ARFIP1: variants seen among roughly 807,000 people sequenced by gnomAD.
The protein encoded by ARFIP1 is arfaptin-1.
Under a neutral mutation model 42.5 loss-of-function variants are expected in ARFIP1, and 24 were observed. The ratio of observed to expected loss-of-function variants is 0.57; its 90% CI spans 0.41 to 0.80. The LOEUF (loss-of-function observed/expected upper bound fraction) is 0.80, where lower values mean the gene tolerates loss of function less well. ARFIP1 is among the 30% of genes least tolerant of loss of function. The probability of loss-of-function intolerance (pLI) is 0.00; values close to 1 mark genes in which losing one functional copy is unlikely to be tolerated. For synonymous variants in ARFIP1, 141 were observed against 153.7 expected (o/e 0.92, Z 0.61); for missense variants, 354 against 434.0 (o/e 0.82, Z 1.64).
intron 5 of ARFIP1, among the ~76,000 whole-genome samples, chr4:152,874,004 G>T (rs1431601754): frequency 2.0e-5 from 3 of 151,938 alleles, no homozygotes; most frequent in African/African-American, 7.3e-5. Context: ...CCTCCTCCTT[G>T]GAATTCCCTT....
chr4:152,848,827 G>C (rs1400933973), intron 2 of ARFIP1, among the ~76,000 whole-genome samples: 6 of 152,060 alleles, frequency 3.9e-5, no homozygotes, highest in African/African-American at 1.4e-4. Flanking sequence ...CCTACCCTAG[G>C]GTTTTCATAG....
At chr4:152,883,136 A>T in intron 7 of ARFIP1, 1 of 351,734 alleles carries the variant, frequency 2.8e-6, no homozygotes, top group Non-Finnish European at 5.1e-6. Context: ...CTAGTACTTG[A>T]TGCTGCCACA....
chr4:152,791,368 G>A (rs1731138541), intron 1 of ARFIP1, among the ~76,000 whole-genome samples: 1 of 151,986 alleles, frequency 6.6e-6, no homozygotes, highest in African/African-American at 2.4e-5. Flanking sequence ...TCTATATTTT[G>A]GATATTTTCA....
intron 2 of ARFIP1, among the ~76,000 whole-genome samples, chr4:152,836,308 A>G (rs1480901145): frequency 6.6e-6 from 1 of 152,194 alleles, no homozygotes; most frequent in Non-Finnish European, 1.5e-5. Flanking sequence ...AAAAATGATA[A>G]CTGTGAAGTA....
At chr4:152,807,843 T>G (rs758299908) in intron 1 of ARFIP1, among the ~76,000 whole-genome samples, 1 of 152,192 alleles carries the variant, frequency 6.6e-6, no homozygotes, top group Non-Finnish European at 1.5e-5. Context: ...CGGTCATGAC[T>G]CCGTACTATT....
chr4:152,847,124 C>CA (rs1732600417), intron 2 of ARFIP1, among the ~76,000 whole-genome samples: 1 of 40,584 alleles, frequency 2.5e-5, no homozygotes, highest in Non-Finnish European at 4.5e-5. Flanking sequence ...TAGGTTTGTT[C>CA]TTTTTTTTTT....
intron 8 of ARFIP1, among the ~76,000 whole-genome samples, chr4:152,896,496 T>C (rs1737339380): frequency 6.6e-6 from 1 of 152,174 alleles, no homozygotes; most frequent in African/African-American, 2.4e-5. Context: ...CACAAAGTAG[T>C]GTTTATTGTA....
At chr4:152,820,767 A>T (rs183282084) in intron 1 of ARFIP1, among the ~76,000 whole-genome samples, 12 of 152,280 alleles carry the variant, frequency 7.9e-5, no homozygotes, top group Admixed American at 2.0e-4. Flanking sequence ...TCAACATGAG[A>T]TTTGGGCAGG....
chr4:152,905,281 T>A (rs1028728691), intron 8 of ARFIP1, among the ~76,000 whole-genome samples: 1 of 152,182 alleles, frequency 6.6e-6, no homozygotes, highest in East Asian at 1.9e-4. Flanking sequence ...TCTAAGATGC[T>A]TATACCATTT....
At chr4:152,808,361 T>C (rs538024631) in intron 1 of ARFIP1, among the ~76,000 whole-genome samples, 1 of 146,512 alleles carries the variant, frequency 6.8e-6, no homozygotes, top group South Asian at 2.2e-4. Flanking sequence ...GGTAGTTCAT[T>C]GTATGACTCC....
At position 152,870,774 on chromosome 4, in the gene ARFIP1, C is replaced by T; in HGVS notation, c.224C>T (p.Pro75Leu). ...AFQGSPAPPL[P>L]SVMSPSRVAA... Reference sequence around the variant, plus strand: ...TCAGGTTCCCCAGCACCGCCACTGCCATCTGTTATGTCTCCTAGCAGGGTT... The same window carrying T: ...TCAGGTTCCCCAGCACCGCCACTGCTATCTGTTATGTCTCCTAGCAGGGTT... Residue 75 changes from proline to leucine, a missense_variant, in exon 4 of 9, where the codon CCA becomes CTA. Pro to Leu is a moderately conservative substitution (Grantham distance 98). Coordinates refer to ENST00000353617, the MANE Select transcript of ARFIP1 (RefSeq NM_001025595.3). The T allele has an allele frequency of 1.2e-6, 2 of 1,614,050 alleles. No homozygotes were observed. The highest frequency in any genetic ancestry group is 1.7e-6 in the Non-Finnish European group (2 of 1,179,936).
chr4:152,814,974 G>A (rs772497835), intron 1 of ARFIP1, among the ~76,000 whole-genome samples: 13 of 152,170 alleles, frequency 8.5e-5, no homozygotes, highest in Non-Finnish European at 1.6e-4. Context: ...ATTCTTGCAG[G>A]TGTGGGGAGG....
intron 1 of ARFIP1, among the ~76,000 whole-genome samples, chr4:152,781,570 G>T (rs1023981086): frequency 2.0e-5 from 3 of 152,102 alleles, no homozygotes; most frequent in African/African-American, 7.2e-5. Flanking sequence ...CTCTCAGAGC[G>T]GCTACAGATT....
rs557453086 is a variant in ARFIP1, at chr4:152,840,025, C to T, written c.93+10299C>T. Among the ~76,000 whole-genome samples, 12 of 152,296 alleles carry T rather than the reference C, an allele frequency of 7.9e-5. No individual in the cohort carries two copies. The South Asian group carries it at 2.3e-3, about 29-fold the overall frequency. On this transcript the variant is annotated intron_variant, in intron 2 of 8. Coordinates refer to ENST00000353617, the MANE Select transcript of ARFIP1 (RefSeq NM_001025595.3). ...TTTTGAGCCAGTGCTCATTCAGAAGCAGGTTATTAATTTCCATGTATTTGC... is the reference window on the plus strand; with the variant it reads ...TTTTGAGCCAGTGCTCATTCAGAAGTAGGTTATTAATTTCCATGTATTTGC...
intron 5 of ARFIP1, among the ~76,000 whole-genome samples, chr4:152,872,875 C>A (rs1735008035): frequency 6.6e-6 from 1 of 152,038 alleles, no homozygotes; most frequent in Non-Finnish European, 1.5e-5. Flanking sequence ...TGCTCCTTCC[C>A]CTCCTTTTGA....
intron 1 of ARFIP1, among the ~76,000 whole-genome samples, chr4:152,829,150 G>A (rs1011792512): frequency 1.3e-5 from 2 of 152,182 alleles, no homozygotes; most frequent in Non-Finnish European, 2.9e-5. Flanking sequence ...TCTGGTGATA[G>A]ACACGGAATT....
intron 1 of ARFIP1, among the ~76,000 whole-genome samples, chr4:152,797,548 G>C (rs541079795): frequency 2.1e-4 from 32 of 152,276 alleles, no homozygotes; most frequent in African/African-American, 7.5e-4. Flanking sequence ...AGGGAGAAAT[G>C]ACATCTTTAT....
chr4:152,877,104 C>T (rs1053901521), intron 5 of ARFIP1, among the ~76,000 whole-genome samples: 1 of 152,190 alleles, frequency 6.6e-6, no homozygotes, highest in African/African-American at 2.4e-5. Context: ...CCTACTGGGG[C>T]ACCTCCTAGT....
intron 1 of ARFIP1, among the ~76,000 whole-genome samples, chr4:152,792,163 A>C (rs1400285326): frequency 6.6e-6 from 1 of 152,150 alleles, no homozygotes; most frequent in Non-Finnish European, 1.5e-5. Flanking sequence ...TTTTGCTCTC[A>C]GTGTTTTCTA....
Sources: allele counts gnomAD v4.1 joint callset (sites outside exome capture counted in the v4.1 genomes callset), GRCh38; gene constraint gnomAD v4.1.1; transcripts MANE v1.5; gene names NCBI Gene and HGNC (gene_info 2026-07-23, HGNC 2026-07-21).